Variants in MSI2 observed in about 807,000 individuals in gnomAD.
MSI2 encodes musashi RNA binding protein 2.
Under a neutral mutation model 45.6 loss-of-function variants are expected in MSI2, and 17 were observed. The ratio of observed to expected loss-of-function variants is 0.37; its 90% CI spans 0.26 to 0.56. The LOEUF is 0.56. Ranked by LOEUF, MSI2 falls within the 20% of genes least tolerant of loss-of-function variation. The probability of loss-of-function intolerance (pLI) is 0.77; values close to 1 mark genes in which losing one functional copy is unlikely to be tolerated. For synonymous variants in MSI2, 156 were observed against 158.2 expected (o/e 0.99, Z 0.11); for missense variants, 293 against 444.2 (o/e 0.66, Z 3.06).
chr17:57,290,587 A>G (rs1910320275), intron 5 of MSI2, among the ~76,000 whole-genome samples: 1 of 152,212 alleles, frequency 6.6e-6, no homozygotes. Context: ...TGTTGGGATT[A>G]CAAGTGTGAA....
chr17:57,569,808 G>A (rs1567906443), intron 7 of MSI2, among the ~76,000 whole-genome samples: 1 of 152,228 alleles, frequency 6.6e-6, no homozygotes, highest in African/African-American at 2.4e-5. Context: ...CTCTGGGTAT[G>A]TGGAACCAAA....
chr17:57,684,259 T>A lies in MSI2; in HGVS notation c.*4742T>A, dbSNP rs1913795684. 1 of 205,002 alleles carries A rather than the reference T, an allele frequency of 4.9e-6. No individual in the cohort carries two copies. Among genetic ancestry groups the A allele is most frequent in the Non-Finnish European group, 1.0e-5 (1 of 100,080 alleles). 12.7% of individuals were successfully genotyped at this position (205,002 alleles called of 1,614,324 possible). ...GCTAGCCAATCTGCCGTTCATGGTGTATTGTAAACTCCGAATTCCATATGT... is the reference window on the plus strand; with the variant it reads ...GCTAGCCAATCTGCCGTTCATGGTGAATTGTAAACTCCGAATTCCATATGT... On this transcript the variant is annotated 3_prime_UTR_variant, in exon 14 of 14. Coordinates refer to ENST00000284073, the MANE Select transcript of MSI2 (RefSeq NM_138962.4).
intron 5 of MSI2, among the ~76,000 whole-genome samples, chr17:57,377,167 A>C (rs546301250): frequency 6.6e-6 from 1 of 151,980 alleles, no homozygotes; most frequent in African/African-American, 2.4e-5. Context: ...TGATCTGCCC[A>C]CCTTGGCCTC....
intron 5 of MSI2, among the ~76,000 whole-genome samples, chr17:57,310,219 G>A (rs1445528436): frequency 6.6e-6 from 1 of 152,190 alleles, no homozygotes; most frequent in Non-Finnish European, 1.5e-5. Flanking sequence ...GTGGACCTTG[G>A]GGCAGCTAGC....
chr17:57,534,083 AC>A (rs1223219008), intron 7 of MSI2, among the ~76,000 whole-genome samples: 1 of 152,220 alleles, frequency 6.6e-6, no homozygotes, highest in Non-Finnish European at 1.5e-5. Context: ...CAGTGCTGGC[AC>A]CTACCATTGA....
intron 6 of MSI2, among the ~76,000 whole-genome samples, chr17:57,507,404 C>A (rs1229336528): frequency 6.6e-6 from 1 of 152,112 alleles, no homozygotes; most frequent in African/African-American, 2.4e-5. Flanking sequence ...TTGCTCTGCG[C>A]AGTTTCAAAG....
intron 6 of MSI2, among the ~76,000 whole-genome samples, chr17:57,442,819 C>T (rs2084825392): frequency 6.6e-6 from 1 of 152,196 alleles, no homozygotes; most frequent in African/African-American, 2.4e-5. Flanking sequence ...CCTGGGATAC[C>T]TCTGGCAGAC....
chr17:57,502,095 G>A (rs1228139993), intron 6 of MSI2, among the ~76,000 whole-genome samples: 1 of 152,106 alleles, frequency 6.6e-6, no homozygotes, highest in Non-Finnish European at 1.5e-5. Context: ...GCCCACCAGC[G>A]ATGTGGGGCT....
chr17:57,565,933 G>A lies in MSI2; in HGVS notation c.455-30935G>A, dbSNP rs146368996. 1.8e-4 allele frequency: 28 copies of A among 152,270 alleles called. No individual in the cohort carries two copies. In the East Asian group the frequency reaches 4.4e-3, roughly 24 times the overall value. 9.4% of individuals were successfully genotyped at this position (152,270 alleles called of 1,614,324 possible). A position where few individuals can be genotyped will look rare whatever the true frequency, so the allele number is the denominator to read the frequency against. ...TGTTTACTTTCCCAGGGAGAGTAGC[G>A]ATTTACGAAGAGCAAATGGAAGCGA... On this transcript the variant is annotated intron_variant, in intron 7 of 13. Transcript: ENST00000284073.
At chr17:57,528,995 A>C (rs575690521) in intron 6 of MSI2, among the ~76,000 whole-genome samples, 60 of 152,330 alleles carry the variant, frequency 3.9e-4, no homozygotes, top group East Asian at 2.5e-3. Context: ...GGAAATATGC[A>C]TCGGTCAAGA....
rs1276980177 is a variant in MSI2 at position 57,276,694 on chromosome 17, C to CT, written c.312+14508dup. On this transcript the variant is annotated intron_variant, in intron 5 of 13. Transcript: ENST00000284073. ...TGCCGCTGCTGTTTGCCTCAGTTTC[C>CT]TTTTTTGTAAGTAAAGGTCATCTCT... Among the ~76,000 whole-genome samples the CT allele has an allele frequency of 3.3e-5, 5 of 152,192 alleles. No homozygotes were observed. The East Asian group carries it at 7.7e-4, about 23-fold the overall frequency.
intron 7 of MSI2, among the ~76,000 whole-genome samples, chr17:57,594,095 C>T (rs901905178): frequency 6.6e-6 from 1 of 152,236 alleles, no homozygotes; most frequent in Middle Eastern, 3.2e-3. Context: ...TTCAGTCACT[C>T]ACTTAGCACT....
intron 5 of MSI2, among the ~76,000 whole-genome samples, chr17:57,344,954 T>A (rs1392300009): frequency 6.6e-6 from 1 of 152,068 alleles, no homozygotes; most frequent in Admixed American, 6.5e-5. Context: ...TCCCAGCTAC[T>A]CAGGAGGCTG....
intron 6 of MSI2, among the ~76,000 whole-genome samples, chr17:57,524,936 T>TGCATC (rs2086666387): frequency 6.6e-6 from 1 of 152,234 alleles, no homozygotes; most frequent in Non-Finnish European, 1.5e-5. Flanking sequence ...GGCCAGCAGC[T>TGCATC]GCATCAGCAT....
At position 57,429,441 on chromosome 17, in the gene MSI2, C is replaced by T. The variant is rs531753032; in HGVS notation, c.405+27970C>T. Among the ~76,000 whole-genome samples, 1,049 of 152,334 alleles carry T rather than the reference C, an allele frequency of 6.9e-3. 13 individuals are homozygous for T. The highest frequency in any genetic ancestry group is 0.024 in the African/African-American group (1,003 of 41,560). On this transcript the variant is annotated intron_variant, in intron 6 of 13. Coordinates refer to ENST00000284073, the MANE Select transcript of MSI2 (RefSeq NM_138962.4). ...ATCCAGTGACTCCTGCTGCCGCTGT[C>T]CTTCCTGCCTGGATGTTTTTGGAGC...
intron 11 of MSI2, among the ~76,000 whole-genome samples, chr17:57,653,723 A>G (rs1911358477): frequency 6.6e-6 from 1 of 152,014 alleles, no homozygotes; most frequent in Admixed American, 6.5e-5. Context: ...CTTTAACCCA[A>G]AATTAACCCT....
chr17:57,518,799 G>A (rs542243923), intron 6 of MSI2, among the ~76,000 whole-genome samples: 1 of 152,282 alleles, frequency 6.6e-6, no homozygotes, highest in African/African-American at 2.4e-5. Context: ...TGCTGAACAC[G>A]GGCCTGGATT....
intron 6 of MSI2, among the ~76,000 whole-genome samples, chr17:57,521,206 G>T (rs1301094089): frequency 6.6e-6 from 1 of 152,182 alleles, no homozygotes; most frequent in Non-Finnish European, 1.5e-5. Context: ...AGGAGGCCAA[G>T]AACCTGAGAT....
intron 5 of MSI2, among the ~76,000 whole-genome samples, chr17:57,380,656 G>A (rs1381988282): frequency 2.6e-5 from 4 of 152,360 alleles, no homozygotes; most frequent in Admixed American, 2.6e-4. Context: ...CCAAGTGGAT[G>A]TGGGTTTTGC....
Sources: allele counts gnomAD v4.1 joint callset (sites outside exome capture counted in the v4.1 genomes callset), GRCh38; gene constraint gnomAD v4.1.1; transcripts MANE v1.5; gene names NCBI Gene and HGNC (gene_info 2026-07-23, HGNC 2026-07-21).